Variants in MIS18A observed in about 807,000 individuals in gnomAD.
MIS18A encodes protein Mis18-alpha.
Under a neutral mutation model 25.0 loss-of-function variants are expected in MIS18A, and 14 were observed. That is an observed-to-expected ratio of 0.56 (90% CI 0.37 to 0.88). MIS18A has a LOEUF of 0.88. Ranked by LOEUF, MIS18A falls within the 40% of genes least tolerant of loss-of-function variation. MIS18A has a pLI of 0.00. For synonymous variants in MIS18A, 134 were observed against 118.6 expected, an observed-to-expected ratio of 1.13 and a Z score of -0.84; for missense variants, 292 against 290.8, an observed-to-expected ratio of 1.00 and a Z score of -0.03.
At chr21:32,210,967 A>G in the MIS18A span, among the ~76,000 whole-genome samples, 5 of 152,336 alleles carry the variant, frequency 3.3e-5, no homozygotes, top group Admixed American at 3.3e-4. Context: ...TGCCTCCGAA[A>G]TAACTCTCAG....
chr21:32,241,381 A>AAAC, the MIS18A span, among the ~76,000 whole-genome samples: 2 of 135,422 alleles, frequency 1.5e-5, no homozygotes, highest in Non-Finnish European at 3.5e-5. Flanking sequence ...AAAAAAAAAA[A>AAAC]AAAAACTCAA....
chr21:32,160,756 C>T, the MIS18A span, among the ~76,000 whole-genome samples: 1 of 151,934 alleles, frequency 6.6e-6, no homozygotes, highest in South Asian at 2.1e-4. Flanking sequence ...CTCAGCCTCC[C>T]GAGTAGCTGG....
the MIS18A span, among the ~76,000 whole-genome samples, chr21:32,262,796 T>C: frequency 1.3e-5 from 2 of 152,232 alleles, no homozygotes; most frequent in Non-Finnish European, 2.9e-5. Context: ...CAGAGCCAAC[T>C]TGAATGAAAT....
chr21:32,180,005 C>T, the MIS18A span, among the ~76,000 whole-genome samples: 1 of 152,174 alleles, frequency 6.6e-6, no homozygotes, highest in Non-Finnish European at 1.5e-5. Context: ...AGAGATTCCA[C>T]AATAGAGCGG....
At chr21:32,232,488 T>C in the MIS18A span, among the ~76,000 whole-genome samples, 1 of 151,658 alleles carries the variant, frequency 6.6e-6, no homozygotes, top group African/African-American at 2.4e-5. Flanking sequence ...ATAATATCCA[T>C]TGTATACTGA....
At chr21:32,182,644 C>T in the MIS18A span, among the ~76,000 whole-genome samples, 5 of 152,156 alleles carry the variant, frequency 3.3e-5, no homozygotes, top group African/African-American at 9.7e-5. Context: ...GCAGACAGCC[C>T]TAGGGTGCCA....
chr21:32,240,976 T>C, the MIS18A span, among the ~76,000 whole-genome samples: 3 of 152,344 alleles, frequency 2.0e-5, no homozygotes, highest in South Asian at 6.2e-4. Flanking sequence ...GCTGCTTAAA[T>C]ATTTAGAAAT....
At position 32,268,729 on chromosome 21, in the gene MIS18A, C is replaced by T. The variant is rs894932722; in HGVS notation, c.*308G>A. The T allele has an allele frequency of 1.9e-5, 4 of 205,962 alleles. No individual in the cohort carries two copies. The highest frequency in any genetic ancestry group is 1.9e-4 in the South Asian group (1 of 5,324). The allele number at this position is 205,962 out of a possible 1,614,324, so 12.8% of individuals were successfully genotyped here. ...AGTACCATAAAACGTCTTTAAAATGCGATTTTGAGAAACAATCACTTCTTT... is the reference window on the plus strand; with the variant it reads ...AGTACCATAAAACGTCTTTAAAATGTGATTTTGAGAAACAATCACTTCTTT... On this transcript the variant is annotated 3_prime_UTR_variant, in exon 5 of 5. Coordinates refer to ENST00000290130, the MANE Select transcript of MIS18A (RefSeq NM_018944.3).
At chr21:32,188,674 T>C in the MIS18A span, among the ~76,000 whole-genome samples, 1 of 151,966 alleles carries the variant, frequency 6.6e-6, no homozygotes, top group African/African-American at 2.4e-5. Context: ...GTGACTGGTG[T>C]GGAGAGAAAT....
the MIS18A span, among the ~76,000 whole-genome samples, chr21:32,158,494 G>C: frequency 2.7e-5 from 4 of 147,844 alleles, no homozygotes; most frequent in Admixed American, 2.0e-4. Context: ...TTCTTTTTGA[G>C]ACAGAGTTTT....
the MIS18A span, among the ~76,000 whole-genome samples, chr21:32,186,045 G>GT: frequency 0.25 from 38,455 of 151,970 alleles, 6,069 homozygotes; most frequent in African/African-American, 0.45. Context: ...CTGGGTGACT[G>GT]TTTAATTTTG....
chr21:32,232,619 A>G, the MIS18A span, among the ~76,000 whole-genome samples: 2 of 152,132 alleles, frequency 1.3e-5, no homozygotes, highest in African/African-American at 4.8e-5. Context: ...AACTTGGAGG[A>G]CATCATGCTA....
At chr21:32,267,796 G>A (rs1354576463), downstream of MIS18A, among the ~76,000 whole-genome samples, 1 of 152,236 alleles carries the variant, frequency 6.6e-6, no homozygotes, top group Non-Finnish European at 1.5e-5. Context: ...ATGCTGCCTT[G>A]TTGCCAGCGG....
At chr21:32,211,080 G>A in the MIS18A span, among the ~76,000 whole-genome samples, 1 of 152,164 alleles carries the variant, frequency 6.6e-6, no homozygotes, top group Admixed American at 6.5e-5. Context: ...TTGCTCTGTC[G>A]CCCAGGCTGG....
the MIS18A span, among the ~76,000 whole-genome samples, chr21:32,201,395 T>C: frequency 6.6e-6 from 1 of 152,076 alleles, no homozygotes; most frequent in South Asian, 2.1e-4. Context: ...CCACTTACCC[T>C]CAGAACTTCG....
the MIS18A span, among the ~76,000 whole-genome samples, chr21:32,172,996 A>C: frequency 1.1e-4 from 16 of 152,126 alleles, no homozygotes; most frequent in African/African-American, 3.9e-4. Context: ...TAAACCTATA[A>C]AACTATGAAA....
chr21:32,203,070 T>A, the MIS18A span, among the ~76,000 whole-genome samples: 1 of 152,066 alleles, frequency 6.6e-6, no homozygotes. Context: ...TTCTTAAAAA[T>A]TTGTAATGTA....
At chr21:32,253,893 A>C in the MIS18A span, among the ~76,000 whole-genome samples, 2 of 152,230 alleles carry the variant, frequency 1.3e-5, no homozygotes, top group Non-Finnish European at 2.9e-5. Context: ...AGTTGATTTA[A>C]TAGAGTTTTT....
downstream of MIS18A, among the ~76,000 whole-genome samples, chr21:32,263,675 G>T (rs1229925077): frequency 6.6e-6 from 1 of 152,040 alleles, no homozygotes; most frequent in African/African-American, 2.4e-5. Context: ...CGTACTAAAC[G>T]AAAAGATGTT....
Sources: allele counts gnomAD v4.1 joint callset (sites outside exome capture counted in the v4.1 genomes callset), GRCh38; gene constraint gnomAD v4.1.1; transcripts MANE v1.5; gene names NCBI Gene and HGNC (gene_info 2026-07-23, HGNC 2026-07-21).